LPP: variants seen among roughly 807,000 people sequenced by gnomAD.
LPP encodes the protein lipoma-preferred partner.
LPP carries 38 observed loss-of-function variants against 60.4 expected under a neutral mutation model. The ratio of observed to expected loss-of-function variants is 0.63; its 90% CI spans 0.49 to 0.83. LPP has a LOEUF of 0.83. Among genes scored for constraint, LPP ranks in the 40% least tolerant of loss-of-function variants. The probability of loss-of-function intolerance (pLI) is 0.00; values close to 1 mark genes in which losing one functional copy is unlikely to be tolerated. For synonymous variants in LPP, 328 were observed against 290.8 expected, an observed-to-expected ratio of 1.13 and a Z score of -1.30; for missense variants, 902 against 783.6, an observed-to-expected ratio of 1.15 and a Z score of -1.80.
At chr3:188,725,229 C>T (rs1167690671) in intron 8 of LPP, 1 of 152,204 alleles carries the variant, frequency 6.6e-6, no homozygotes, top group Non-Finnish European at 1.5e-5. Flanking sequence ...ATGCTGGAAC[C>T]TGCTGTGTTC....
chr3:188,755,519 C>A (rs1450399130), intron 8 of LPP, among the ~76,000 whole-genome samples: 1 of 152,046 alleles, frequency 6.6e-6, no homozygotes, highest in Admixed American at 6.6e-5. Context: ...AATATGACAA[C>A]CCAGCCTGGT....
At chr3:188,215,887 C>A (rs1281866447) in intron 1 of LPP, among the ~76,000 whole-genome samples, 1 of 152,192 alleles carries the variant, frequency 6.6e-6, no homozygotes, top group East Asian at 1.9e-4. Context: ...CACCTCCTTA[C>A]ACCTTGCTAT....
intron 2 of LPP, among the ~76,000 whole-genome samples, chr3:188,328,261 T>C (rs541377550): frequency 1.8e-3 from 268 of 152,300 alleles, no homozygotes; most frequent in Non-Finnish European, 2.6e-3. Flanking sequence ...AATTTTCACT[T>C]TGATTGAGTC....
intron 4 of LPP, among the ~76,000 whole-genome samples, chr3:188,483,997 TC>T (rs1805562569): frequency 6.6e-6 from 1 of 152,204 alleles, no homozygotes; most frequent in African/African-American, 2.4e-5. Flanking sequence ...TATTTTACAT[TC>T]CTGTGTCCCA....
intron 3 of LPP, 124 bp from the exon 4 acceptor site, chr3:188,405,988 C>G (rs1174238038): frequency 1.4e-6 from 1 of 722,116 alleles, no homozygotes; most frequent in Admixed American, 2.8e-5. Context: ...TTTCTTTCAC[C>G]CTTCTTTCCA....
At chr3:188,557,215 C>CA (rs895412048) in intron 6 of LPP, among the ~76,000 whole-genome samples, 98 of 149,988 alleles carry the variant, frequency 6.5e-4, no homozygotes, top group African/African-American at 2.0e-3. Flanking sequence ...TCATGCGTTA[C>CA]AAAAAAAAAG....
Position 188,797,115 on chromosome 3 carries a change from CCCTCCT to C in LPP, c.1410+36853_1410+36858del, listed in dbSNP as rs4011849. ...GAGGGAATTGTCTTCAGCTCTTTTC[CCCTCCT>C]CCTCCTCCTCCTCCTCCTCTTCCTC... On this transcript the variant is annotated intron_variant, in intron 9 of 11. Coordinates refer to ENST00000617246, the MANE Select transcript of LPP (RefSeq NM_001375462.1). Among the ~76,000 whole-genome samples the C allele has an allele frequency of 6.7e-5, 10 of 149,766 alleles. No homozygotes were observed. The East Asian group carries it at 8.1e-4, about 12-fold the overall frequency.
At chr3:188,632,772 T>A (rs907408508) in intron 7 of LPP, among the ~76,000 whole-genome samples, 1 of 152,174 alleles carries the variant, frequency 6.6e-6, no homozygotes, top group Admixed American at 6.5e-5. Context: ...TATTCTTCAG[T>A]TGTATTTGGT....
intron 3 of LPP, among the ~76,000 whole-genome samples, chr3:188,381,846 A>G (rs1776985875): frequency 6.6e-6 from 1 of 152,108 alleles, no homozygotes; most frequent in Non-Finnish European, 1.5e-5. Context: ...ATATATATGT[A>G]TAGAGTCTTG....
At chr3:188,416,288 C>T (rs1786254334) in intron 4 of LPP, among the ~76,000 whole-genome samples, 3 of 152,064 alleles carry the variant, frequency 2.0e-5, no homozygotes, top group African/African-American at 7.2e-5. Flanking sequence ...GCTGGCCAGT[C>T]ATCAGAAAGA....
At chr3:188,666,224 G>A (rs1250673776) in intron 7 of LPP, among the ~76,000 whole-genome samples, 1 of 152,158 alleles carries the variant, frequency 6.6e-6, no homozygotes, top group East Asian at 1.9e-4. Context: ...AAGCAAAATT[G>A]TGTGATTCTA....
In LPP at chr3:188,870,129, A is replaced by G. The variant is rs1362618403; in HGVS notation, c.1590-2514A>G. Among the ~76,000 whole-genome samples the G allele has an allele frequency of 2.0e-5, 3 of 152,066 alleles. No homozygotes were observed. The East Asian group carries it at 5.8e-4, about 29-fold the overall frequency. On this transcript the variant is annotated intron_variant, in intron 10 of 11. Transcript: ENST00000617246. Reference sequence around the variant, plus strand: ...CTTACCACAGTCTGACTGGTATAGAAATATACATATGTGTGTGTGTGTATA... The same window carrying G: ...CTTACCACAGTCTGACTGGTATAGAGATATACATATGTGTGTGTGTGTATA...
chr3:188,456,103 G>A (rs1797676062), intron 4 of LPP, among the ~76,000 whole-genome samples: 1 of 152,166 alleles, frequency 6.6e-6, no homozygotes, highest in Non-Finnish European at 1.5e-5. Context: ...TGTTGTCCAT[G>A]TTGGCACTGG....
chr3:188,176,379 G>T (rs946492995), intron 1 of LPP, among the ~76,000 whole-genome samples: 1 of 152,088 alleles, frequency 6.6e-6, no homozygotes, highest in Non-Finnish European at 1.5e-5. Context: ...CCTGGAAATA[G>T]AAAAGATTTG....
chr3:188,813,244 A>G (rs1751570150), intron 9 of LPP, among the ~76,000 whole-genome samples: 1 of 152,198 alleles, frequency 6.6e-6, no homozygotes. Context: ...ATTAGCAAAT[A>G]CCTTAGCTAT....
At position 188,633,827 on chromosome 3, in the gene LPP, T is replaced by C. The variant is rs536959844; in HGVS notation, c.1113+23983T>C. The stretch of plus-strand genomic sequence containing the variant: ...TTTGACTGATGCCTCTTCAATATGT[T>C]GTATAATGTACTATAGAGTTATTCC... On this transcript the variant is annotated intron_variant, in intron 7 of 11. Coordinates refer to ENST00000617246, the MANE Select transcript of LPP (RefSeq NM_001375462.1). 3.3e-5 allele frequency among the ~76,000 whole-genome samples: 5 copies of C among 152,356 alleles called. 1 individual carries two copies. The South Asian group carries it at 1.0e-3, about 32-fold the overall frequency.
In LPP at chr3:188,741,570, AT is replaced by A. The variant is rs72066131; in HGVS notation, c.1241-18530del. On this transcript the variant is annotated intron_variant, in intron 8 of 11. Transcript: ENST00000617246. ...CATGGTATATCTCTCCCTTTACTTC[AT>A]TTTTTTTTTTTTGGTTCTCTCAGCA... Among the ~76,000 whole-genome samples, 1,137 of 143,624 alleles carry A rather than the reference AT, an allele frequency of 7.9e-3. 9 individuals carry two copies. The highest frequency in any genetic ancestry group is 0.019 in the African/African-American group (758 of 39,294). 94.2% of individuals were successfully genotyped at this position (143,624 alleles called of 152,430 possible).
intron 2 of LPP, among the ~76,000 whole-genome samples, chr3:188,285,195 T>C (rs1358402764): frequency 6.6e-6 from 1 of 152,130 alleles, no homozygotes; most frequent in African/African-American, 2.4e-5. Flanking sequence ...TTTATTGTGA[T>C]AGTGCTTTGC....
chr3:188,762,858 T>C (rs10937367), intron 9 of LPP, among the ~76,000 whole-genome samples: 38,984 of 151,958 alleles, frequency 0.26, 5,518 homozygotes, highest in East Asian at 0.64. Context: ...AAAATGTAAT[T>C]TAATTCTTAT....
Sources: allele counts gnomAD v4.1 joint callset (sites outside exome capture counted in the v4.1 genomes callset), GRCh38; gene constraint gnomAD v4.1.1; transcripts MANE v1.5; gene names NCBI Gene and HGNC (gene_info 2026-07-23, HGNC 2026-07-21).